Variants in GLI2 observed in about 807,000 individuals in gnomAD.
GLI2 encodes GLI family zinc finger 2, also known as transcription activator GLI2.
A neutral mutation model predicts 78.9 loss-of-function variants in GLI2; 22 were observed. That is an observed-to-expected ratio of 0.28 (90% CI 0.20 to 0.40). The LOEUF (loss-of-function observed/expected upper bound fraction) is 0.40, where lower values mean the gene tolerates loss of function less well. Among genes scored for constraint, GLI2 ranks in the 10% least tolerant of loss-of-function variants. GLI2 has a pLI of 1.00. For synonymous variants in GLI2, 974 were observed against 963.7 expected (o/e 1.01, Z -0.20); for missense variants, 2,097 against 2,213.2 (o/e 0.95, Z 1.05).
chr2:120,829,864 A>C (rs76871327), intron 2 of GLI2, among the ~76,000 whole-genome samples: 1 of 152,268 alleles, frequency 6.6e-6, no homozygotes, highest in African/African-American at 2.4e-5. Flanking sequence ...GGCTGAGTTC[A>C]TGTAAGTTCT....
chr2:120,851,468 C>G (rs1687404590), intron 2 of GLI2, among the ~76,000 whole-genome samples: 1 of 152,240 alleles, frequency 6.6e-6, no homozygotes, highest in African/African-American at 2.4e-5. Flanking sequence ...TGTGGTTGGG[C>G]TTGTCTGACA....
chr2:120,939,140 G>A (rs1452819347), intron 3 of GLI2, among the ~76,000 whole-genome samples: 2 of 152,128 alleles, frequency 1.3e-5, no homozygotes, highest in African/African-American at 4.8e-5. Context: ...AAATTAGCCA[G>A]GCGTGGTGGT....
At position 120,968,772 on chromosome 2, in the gene GLI2, C is replaced by G; in HGVS notation, c.702C>G (p.Ser234=). ...GCCTGAGCCGCAAGCGGGCGCTGTC[C>G]ATCTCCCCACTCTCAGACGCCAGCC... ...TPRLSRKRAL[S]ISPLSDASLD... is the part of the protein sequence containing the mutation. The change falls in exon 6 of 14, where the codon TCC becomes TCG. Residue 234 remains serine, a synonymous_variant. Transcript: ENST00000361492. The G allele has an allele frequency of 1.2e-6, 2 of 1,613,692 alleles. No homozygotes were observed. Among genetic ancestry groups the G allele is most frequent in the Non-Finnish European group, 1.7e-6 (2 of 1,179,938 alleles).
chr2:120,910,811 G>A (rs1461823787), intron 2 of GLI2, among the ~76,000 whole-genome samples: 2 of 152,212 alleles, frequency 1.3e-5, no homozygotes, highest in Admixed American at 6.5e-5. Context: ...CTCTGACTTC[G>A]CTGGGTACCT....
intron 1 of GLI2, among the ~76,000 whole-genome samples, chr2:120,795,842 G>C (rs1444448725): frequency 6.6e-6 from 1 of 152,090 alleles, no homozygotes; most frequent in African/African-American, 2.4e-5. Context: ...CTGAGGTCAG[G>C]AGTTTGAGAC....
intron 1 of GLI2, among the ~76,000 whole-genome samples, chr2:120,776,399 G>A (rs1040045197): frequency 3.9e-5 from 6 of 152,178 alleles, no homozygotes; most frequent in Non-Finnish European, 8.8e-5. Flanking sequence ...GGTCCAGGGT[G>A]TGCTGAGTCT....
At chr2:120,826,272 CTGAA>C (rs1481575141) in intron 2 of GLI2, among the ~76,000 whole-genome samples, 1 of 152,218 alleles carries the variant, frequency 6.6e-6, no homozygotes, top group African/African-American at 2.4e-5. Context: ...TCGTCCCAGT[CTGAA>C]TGTGCCAGAG....
chr2:120,920,411 C>G (rs1366970166), intron 2 of GLI2, among the ~76,000 whole-genome samples: 3 of 152,234 alleles, frequency 2.0e-5, no homozygotes, highest in Non-Finnish European at 4.4e-5. Flanking sequence ...AGACCCCTAC[C>G]TCCTTCTCTC....
chr2:120,922,381 A>G (rs1679423360), intron 2 of GLI2, among the ~76,000 whole-genome samples: 1 of 152,058 alleles, frequency 6.6e-6, no homozygotes, highest in Admixed American at 6.5e-5. Context: ...TGGGGCAAAC[A>G]CTGTGCTACT....
rs183651413 is a variant in GLI2 at position 120,766,832 on chromosome 2, G to C, written c.-30-30459G>C. Reference sequence around the variant, plus strand: ...TTATTATGTGAGTAGATTCTTAAGAGTTCAGTGAAATTCCTGGGAAAAATT... The same window carrying C: ...TTATTATGTGAGTAGATTCTTAAGACTTCAGTGAAATTCCTGGGAAAAATT... On this transcript the variant is annotated intron_variant, in intron 1 of 13. Transcript: ENST00000361492. Among the ~76,000 whole-genome samples the C allele has an allele frequency of 2.2e-3, 335 of 152,294 alleles. 4 individuals carry two copies. The highest frequency in any genetic ancestry group is 0.018 in the Admixed American group (269 of 15,306).
intron 3 of GLI2, among the ~76,000 whole-genome samples, chr2:120,937,129 T>C (rs1488319225): frequency 6.6e-6 from 1 of 152,184 alleles, no homozygotes; most frequent in Admixed American, 6.5e-5. Context: ...GTTGCTTAAC[T>C]CAGTGGGGAA....
At chr2:120,896,696 T>TACACACACACACACAC in intron 2 of GLI2, among the ~76,000 whole-genome samples, 1 of 128,908 alleles carries the variant, frequency 7.8e-6, no homozygotes, top group East Asian at 2.5e-4. Context: ...CACACACCCA[T>TACACACACACACACAC]ACACACACAC....
intron 2 of GLI2, among the ~76,000 whole-genome samples, chr2:120,847,551 T>C (rs1429822896): frequency 6.6e-6 from 1 of 150,602 alleles, no homozygotes; most frequent in Non-Finnish European, 1.5e-5. Flanking sequence ...TTTCCAGCGA[T>C]GGAAGGAAGC....
At chr2:120,810,762 G>A (rs981506251) in intron 2 of GLI2, among the ~76,000 whole-genome samples, 5 of 152,352 alleles carry the variant, frequency 3.3e-5, no homozygotes, top group South Asian at 2.1e-4. Flanking sequence ...CTGGTCCTCC[G>A]TAACTCAGAA....
At chr2:120,903,082 A>G (rs1319710931) in intron 2 of GLI2, among the ~76,000 whole-genome samples, 1 of 149,878 alleles carries the variant, frequency 6.7e-6, no homozygotes. Context: ...GGGGGAATAA[A>G]CTTTTTTTAA....
At chr2:120,848,654 G>T (rs1313335430) in intron 2 of GLI2, among the ~76,000 whole-genome samples, 1 of 152,194 alleles carries the variant, frequency 6.6e-6, no homozygotes, top group Non-Finnish European at 1.5e-5. Context: ...GCTAAAAATG[G>T]TGGCAGTTCT....
chr2:120,972,491 C>T (rs1573706755), intron 8 of GLI2, among the ~76,000 whole-genome samples: 1 of 152,202 alleles, frequency 6.6e-6, no homozygotes, highest in East Asian at 1.9e-4. Context: ...CCACTTCAGC[C>T]CTTCCTGATT....
intron 2 of GLI2, among the ~76,000 whole-genome samples, chr2:120,887,367 T>G (rs1218474472): frequency 6.6e-6 from 1 of 152,256 alleles, no homozygotes; most frequent in East Asian, 1.9e-4. Flanking sequence ...AGCCGGAGCC[T>G]GGAGCCTGTG....
chr2:120,908,836 G>A lies in GLI2; in HGVS notation c.149-18525G>A, dbSNP rs118146039. ...AATCTTATTTTGCCCAGAAAGGAAG[G>A]GGGGAGCCAGCCACTAAGGAGAGTG... On this transcript the variant is annotated intron_variant, in intron 2 of 13. Transcript: ENST00000361492. 5.1e-4 allele frequency among the ~76,000 whole-genome samples: 77 copies of A among 152,322 alleles called. 2 individuals are homozygous for A. In the East Asian group the frequency reaches 0.013, roughly 25 times the overall value.
Sources: gnomAD v4.1 joint callset for allele counts (sites outside exome capture counted in the v4.1 genomes callset) on GRCh38, gnomAD v4.1.1 for gene constraint, MANE v1.5 for transcripts, NCBI Gene and HGNC (gene_info 2026-07-23, HGNC 2026-07-21) for gene names.